Variants in KIF1B observed in about 807,000 individuals in gnomAD.
KIF1B encodes the protein kinesin family member 1B.
KIF1B carries 76 observed loss-of-function variants against 241.9 expected under a neutral mutation model. That is an observed-to-expected ratio of 0.31 (90% CI 0.26 to 0.38). KIF1B has a LOEUF of 0.38. Among genes scored for constraint, KIF1B ranks in the 10% least tolerant of loss-of-function variants. The pLI, the probability that KIF1B is intolerant of heterozygous loss-of-function variation, is 1.00. For synonymous variants in KIF1B, 750 were observed against 796.7 expected (o/e 0.94, Z 0.99); for missense variants, 1,622 against 2,271.4 (o/e 0.71, Z 5.81).
intron 2 of KIF1B, among the ~76,000 whole-genome samples, chr1:10,238,549 C>T (rs1021109311): frequency 6.6e-6 from 1 of 151,698 alleles, no homozygotes; most frequent in African/African-American, 2.4e-5. Flanking sequence ...ACCAAAAATA[C>T]AAAAAATTAG....
At chr1:10,290,919 T>C (rs1649965136) in intron 15 of KIF1B, among the ~76,000 whole-genome samples, 163 bp from the exon 16 acceptor site, 2 of 152,216 alleles carry the variant, frequency 1.3e-5, no homozygotes, top group South Asian at 4.2e-4. Context: ...GTTTTAGGTC[T>C]AATCTTTATG....
rs180920783 is a variant in KIF1B at position 10,221,677 on chromosome 1, C to T, written c.-79-10573C>T. 1.5e-3 allele frequency among the ~76,000 whole-genome samples: 228 copies of T among 152,150 alleles called. 1 individual carries two copies. Among genetic ancestry groups the T allele is most frequent in the African/African-American group, 5.0e-3 (206 of 41,496 alleles). ...TAGCATCTCAAAAGGGGATCTCTAG[C>T]TATAAAAATTTATTTTTGGATACAT... On this transcript the variant is annotated intron_variant, in intron 1 of 48. Transcript: ENST00000676179.
At chr1:10,212,914 A>G (rs867878334) in intron 1 of KIF1B, among the ~76,000 whole-genome samples, 2,845 of 123,928 alleles carry the variant, frequency 0.023, 76 homozygotes, top group Non-Finnish European at 0.031. Flanking sequence ...ATATATATAT[A>G]TATATATATA....
intron 22 of KIF1B, among the ~76,000 whole-genome samples, chr1:10,317,908 A>G (rs1651368082): frequency 6.6e-6 from 1 of 151,246 alleles, no homozygotes; most frequent in Non-Finnish European, 1.5e-5. Context: ...AAAATGGTTC[A>G]TCTCTTGGTC....
chr1:10,268,057 T>C (rs1557677058), intron 6 of KIF1B, 95 bp from the exon 7 acceptor site: 1 of 807,632 alleles, frequency 1.2e-6, no homozygotes, highest in Non-Finnish European at 2.1e-6. Flanking sequence ...AGACTATTGC[T>C]TGTGATTGTT....
intron 1 of KIF1B, among the ~76,000 whole-genome samples, chr1:10,228,427 A>G (rs1323389228): frequency 2.0e-5 from 3 of 152,108 alleles, no homozygotes; most frequent in Non-Finnish European, 4.4e-5. Context: ...AATTTGCAGT[A>G]TTTTTTACAT....
intron 2 of KIF1B, among the ~76,000 whole-genome samples, chr1:10,235,689 C>T (rs907234566): frequency 2.6e-5 from 4 of 151,934 alleles, no homozygotes; most frequent in Admixed American, 6.5e-5. Context: ...GATGAAACCT[C>T]GTCTCTACTA....
intron 31 of KIF1B, among the ~76,000 whole-genome samples, chr1:10,339,310 G>A (rs1228820923): frequency 6.6e-6 from 1 of 152,162 alleles, no homozygotes; most frequent in Non-Finnish European, 1.5e-5. Context: ...AGCTGCCAGG[G>A]TAAGTCAGGA....
At chr1:10,216,820 C>G (rs1015745008) in intron 1 of KIF1B, among the ~76,000 whole-genome samples, 1 of 152,118 alleles carries the variant, frequency 6.6e-6, no homozygotes, top group Non-Finnish European at 1.5e-5. Flanking sequence ...CTTCTCTGCC[C>G]TCTTTCTTCT....
intron 9 of KIF1B, chr1:10,272,521 G>A: frequency 1.6e-6 from 1 of 629,190 alleles, no homozygotes; most frequent in East Asian, 3.1e-5. Flanking sequence ...AGTAAATATA[G>A]ATCTGTAAAA....
chr1:10,320,353 GA>G (rs1651471672), intron 23 of KIF1B, among the ~76,000 whole-genome samples: 1 of 152,144 alleles, frequency 6.6e-6, no homozygotes, highest in South Asian at 2.1e-4. Context: ...GGTGTTCTTA[GA>G]CCTTCGCACG....
At chr1:10,346,551 G>A (rs186310672) in intron 35 of KIF1B, among the ~76,000 whole-genome samples, 1 of 152,134 alleles carries the variant, frequency 6.6e-6, no homozygotes, top group East Asian at 1.9e-4. Flanking sequence ...TTTTAGTAGA[G>A]GCAGGGTTTC....
At chr1:10,244,290 G>A (rs1647175759) in intron 2 of KIF1B, among the ~76,000 whole-genome samples, 1 of 149,738 alleles carries the variant, frequency 6.7e-6, no homozygotes, top group Non-Finnish European at 1.5e-5. Context: ...TTTTTATTGT[G>A]TGCCATTTTT....
At chr1:10,273,123 C>T (rs1043570686) in intron 10 of KIF1B, 92 bp downstream of exon 10, 25 of 892,934 alleles carry the variant, frequency 2.8e-5, no homozygotes, top group Non-Finnish European at 4.3e-5. Context: ...GGAATGGAAC[C>T]TTCAAAAATC....
At chr1:10,286,870 G>T (rs191813563) in intron 15 of KIF1B, among the ~76,000 whole-genome samples, 132 of 151,956 alleles carry the variant, frequency 8.7e-4, no homozygotes, top group African/African-American at 3.1e-3. Context: ...AAGGGAGGAG[G>T]ATTAAAGATT....
Position 10,295,222 on chromosome 1 carries a change from AATAACT to A in KIF1B, c.1670+59_1670+64del, listed in dbSNP as rs1394098655. 456 of 1,049,138 alleles carry A rather than the reference AATAACT, an allele frequency of 4.3e-4. 8 individuals carry two copies. In the South Asian group the frequency reaches 5.5e-3, roughly 13 times the overall value. 65.0% of individuals were successfully genotyped at this position (1,049,138 alleles called of 1,614,324 possible). ...GTGTTTTCCCCCTCTTAGATAATTG[AATAACT>A]AAAGGGAAGGGGTTGAAAAAATTAA... On this transcript the variant is annotated intron_variant, in intron 18 of 48. Transcript: ENST00000676179.
intron 27 of KIF1B, among the ~76,000 whole-genome samples, chr1:10,332,963 C>T (rs1162096411): frequency 6.6e-6 from 1 of 151,604 alleles, no homozygotes; most frequent in Admixed American, 6.6e-5. Flanking sequence ...AGGTGCATGC[C>T]ACCATGCCCG....
chr1:10,279,463 A>G (rs938755071), intron 14 of KIF1B, among the ~76,000 whole-genome samples: 6 of 152,288 alleles, frequency 3.9e-5, no homozygotes, highest in Non-Finnish European at 5.9e-5. Flanking sequence ...TTTGCATAAT[A>G]TGCCAGGCCC....
At chr1:10,339,747 T>C in intron 31 of KIF1B, 22 bp from the exon 32 acceptor site, 2 of 1,606,050 alleles carry the variant, frequency 1.2e-6, no homozygotes, top group Non-Finnish European at 1.7e-6. Context: ...TGTTCACGAG[T>C]CTTTTTATTT....
Sources: gnomAD v4.1 joint callset for allele counts (sites outside exome capture counted in the v4.1 genomes callset) on GRCh38, gnomAD v4.1.1 for gene constraint, MANE v1.5 for transcripts, NCBI Gene and HGNC (gene_info 2026-07-23, HGNC 2026-07-21) for gene names.